The following ARHGAP15 variants were observed in gnomAD, a reference collection of about 807,000 sequenced individuals.
The protein encoded by ARHGAP15 is Rho GTPase activating protein 15, also known as rho GTPase-activating protein 15.
ARHGAP15 carries 51 observed loss-of-function variants against 63.7 expected under a neutral mutation model. That is an observed-to-expected ratio of 0.80 (90% confidence interval 0.64 to 1.01). ARHGAP15 has a LOEUF of 1.01. Among genes scored for constraint, ARHGAP15 ranks in the 50% least tolerant of loss-of-function variants. The pLI is 0.00. For synonymous variants in ARHGAP15, 191 were observed against 193.8 expected, an observed-to-expected ratio of 0.99 and a Z score of 0.12; for missense variants, 560 against 564.6, an observed-to-expected ratio of 0.99 and a Z score of 0.08.
chr2:143,543,118 A>T (rs992443599), intron 10 of ARHGAP15, among the ~76,000 whole-genome samples: 3 of 151,884 alleles, frequency 2.0e-5, no homozygotes, highest in African/African-American at 2.4e-5. Context: ...AGGAATCTCT[A>T]TATTTTTTCC....
At chr2:143,439,406 G>C (rs1292083854) in intron 8 of ARHGAP15, among the ~76,000 whole-genome samples, 3 of 50,336 alleles carry the variant, frequency 6.0e-5, no homozygotes, top group Non-Finnish European at 1.4e-4. Context: ...CTGGGCGACA[G>C]AGCAAGACTC....
At chr2:143,272,161 A>ATGGTCC (rs1377109750) in intron 6 of ARHGAP15, among the ~76,000 whole-genome samples, 1 of 152,204 alleles carries the variant, frequency 6.6e-6, no homozygotes, top group African/African-American at 2.4e-5. Flanking sequence ...AGGAATGTGA[A>ATGGTCC]TGGTCCTGGT....
At chr2:143,348,764 A>G (rs959235088) in intron 6 of ARHGAP15, among the ~76,000 whole-genome samples, 5 of 152,166 alleles carry the variant, frequency 3.3e-5, no homozygotes, top group African/African-American at 1.2e-4. Context: ...ATAAAATTTC[A>G]ATGGTGATAG....
intron 1 of ARHGAP15, among the ~76,000 whole-genome samples, chr2:143,149,864 TTTGTC>T (rs1487683510): frequency 6.6e-6 from 1 of 152,058 alleles, no homozygotes; most frequent in Non-Finnish European, 1.5e-5. Context: ...TCTCTATTGT[TTTGTC>T]AGGAAGCAGA....
chr2:143,736,828 C>T (rs1325670230), intron 13 of ARHGAP15, among the ~76,000 whole-genome samples: 1 of 152,184 alleles, frequency 6.6e-6, no homozygotes, highest in Non-Finnish European at 1.5e-5. Flanking sequence ...AAGAAAGCAA[C>T]ATTTCAAAAC....
At chr2:143,613,046 C>T (rs901940523) in intron 11 of ARHGAP15, among the ~76,000 whole-genome samples, 20 of 152,170 alleles carry the variant, frequency 1.3e-4, no homozygotes, top group Non-Finnish European at 4.4e-5. Flanking sequence ...GCAGAGACCA[C>T]GTTGTTGTGA....
chr2:143,224,200 G>GA (rs1218017634), intron 4 of ARHGAP15, among the ~76,000 whole-genome samples: 2 of 151,822 alleles, frequency 1.3e-5, no homozygotes, highest in African/African-American at 4.8e-5. Context: ...CATAAATTAG[G>GA]AAAAAATATC....
intron 11 of ARHGAP15, among the ~76,000 whole-genome samples, chr2:143,615,200 G>A (rs10928189): frequency 0.22 from 33,082 of 152,062 alleles, 3,944 homozygotes; most frequent in Admixed American, 0.32. Context: ...CATTTTGGTT[G>A]TCTTAATTGA....
At chr2:143,153,664 A>G (rs918998844) in intron 1 of ARHGAP15, among the ~76,000 whole-genome samples, 16 of 152,114 alleles carry the variant, frequency 1.1e-4, no homozygotes, top group African/African-American at 2.9e-4. Flanking sequence ...ACTTTGCTCA[A>G]TGTGATCCAT....
chr2:143,130,771 G>A (rs1688887154), intron 1 of ARHGAP15, among the ~76,000 whole-genome samples: 1 of 151,946 alleles, frequency 6.6e-6, no homozygotes, highest in African/African-American at 2.4e-5. Flanking sequence ...AGAAGACCCT[G>A]GTAATATATA....
Position 143,410,735 on chromosome 2 carries a change from A to T in ARHGAP15, c.475-24866A>T, listed in dbSNP as rs1430904794. Among the ~76,000 whole-genome samples, 3 of 152,204 alleles carry T rather than the reference A, an allele frequency of 2.0e-5. No individual in the cohort carries two copies. The East Asian group carries it at 5.8e-4, about 29-fold the overall frequency. On this transcript the variant is annotated intron_variant, in intron 6 of 13. Transcript: ENST00000295095. ...ACAAGAAAATTAAAACAGAGAGCAG[A>T]TACTGGAAATTTAAATAGGGTGGCC...
At chr2:143,524,295 T>C (rs1694176666) in intron 10 of ARHGAP15, among the ~76,000 whole-genome samples, 1 of 152,202 alleles carries the variant, frequency 6.6e-6, no homozygotes, top group African/African-American at 2.4e-5. Context: ...CTGTTGGCTT[T>C]AAAATTCCCT....
At position 143,327,908 on chromosome 2, in the gene ARHGAP15, C is replaced by CAA. The variant is rs201067319; in HGVS notation, c.474+77319_474+77320dup. On this transcript the variant is annotated intron_variant, in intron 6 of 13. Coordinates refer to ENST00000295095, the MANE Select transcript of ARHGAP15 (RefSeq NM_018460.4). ...AAAGAACTTAAACAAATTTACAAGACAAAAAAAAAAAATCCAAAAAGTGAG... is the reference window on the plus strand; with the variant it reads ...AAAGAACTTAAACAAATTTACAAGACAAAAAAAAAAAAAATCCAAAAAGTGAG... 4.4e-3 allele frequency among the ~76,000 whole-genome samples: 630 copies of CAA among 144,794 alleles called. 3 individuals carry two copies. The highest frequency in any genetic ancestry group is 0.017 in the East Asian group (85 of 4,954). 95.0% of individuals were successfully genotyped at this position (144,794 alleles called of 152,430 possible).
chr2:143,448,685 C>T (rs1180576643), intron 8 of ARHGAP15, among the ~76,000 whole-genome samples: 6 of 151,908 alleles, frequency 3.9e-5, no homozygotes, highest in Admixed American at 1.3e-4. Context: ...AGCAGAATCT[C>T]ATTCTTTCAG....
At chr2:143,583,889 T>C (rs1030809216) in intron 11 of ARHGAP15, among the ~76,000 whole-genome samples, 4 of 152,238 alleles carry the variant, frequency 2.6e-5, no homozygotes, top group African/African-American at 9.6e-5. Context: ...AAAACCAGTT[T>C]CCTCTGTCAT....
chr2:143,362,038 T>C (rs1264151717), intron 6 of ARHGAP15, among the ~76,000 whole-genome samples: 3 of 152,082 alleles, frequency 2.0e-5, no homozygotes, highest in Non-Finnish European at 1.5e-5. Flanking sequence ...GTTACCAAAG[T>C]TTAAGTTGGT....
intron 2 of ARHGAP15, 28 bp from the exon 3 acceptor site, chr2:143,202,106 A>T (rs747338116): frequency 6.4e-7 from 1 of 1,574,138 alleles, no homozygotes; most frequent in East Asian, 2.2e-5. Context: ...AAATTATGTA[A>T]TAATATCCAA....
At chr2:143,623,142 A>G (rs1698705383) in intron 11 of ARHGAP15, among the ~76,000 whole-genome samples, 1 of 152,238 alleles carries the variant, frequency 6.6e-6, no homozygotes, top group South Asian at 2.1e-4. Context: ...TTAGAAAGAC[A>G]AATCGTCTGG....
At chr2:143,497,354 T>C (rs1470788850) in intron 9 of ARHGAP15, among the ~76,000 whole-genome samples, 2 of 152,286 alleles carry the variant, frequency 1.3e-5, no homozygotes, top group East Asian at 1.9e-4. Flanking sequence ...CCCATGGCTG[T>C]TTCAGTCCTC....
Sources: allele counts gnomAD v4.1 joint callset (sites outside exome capture counted in the v4.1 genomes callset), GRCh38; gene constraint gnomAD v4.1.1; transcripts MANE v1.5; gene names NCBI Gene and HGNC (gene_info 2026-07-23, HGNC 2026-07-21).